Variants in MSH4 observed in about 807,000 individuals in gnomAD.
MSH4 encodes mutS homolog 4.
MSH4 carries 106 observed loss-of-function variants against 113.7 expected under a neutral mutation model. The observed-to-expected ratio is 0.93, with a 90% CI of 0.80 to 1.10. The LOEUF (loss-of-function observed/expected upper bound fraction) is 1.10, where lower values mean the gene tolerates loss of function less well. Ranked by LOEUF, MSH4 falls within the 50% of genes least tolerant of loss-of-function variation. MSH4 has a pLI of 0.00. For missense variants in MSH4, 1,061 were observed against 1,093.7 expected (o/e 0.97, Z 0.42); for synonymous variants, 368 against 380.2 (o/e 0.97, Z 0.37).
rs749857680 is a variant in MSH4 at position 75,890,763 on chromosome 1, CT to C, written c.2295del (p.Asn766IlefsTer17). ...LILIDELGRG[T>X]NTEEGIGICY... ...TTAATTGATGAACTTGGCAGAGGTA[CT>C]AATACGGAAGAAGGTATTGGCATTT... is the stretch of plus-strand genomic sequence containing the variant. On this transcript the variant is annotated frameshift_variant, in exon 17 of 20. Transcript: ENST00000263187. LOFTEE classifies it high-confidence loss of function. The C allele has an allele frequency of 6.2e-7, 1 of 1,610,628 alleles. No homozygotes were observed. The highest frequency in any genetic ancestry group is 8.5e-7 in the Non-Finnish European group (1 of 1,178,242).
intron 19 of MSH4, among the ~76,000 whole-genome samples, chr1:75,906,406 T>G (rs1652630954): frequency 9.7e-6 from 1 of 102,646 alleles, no homozygotes; most frequent in Non-Finnish European, 1.9e-5. Context: ...TTTCTGGTAG[T>G]ATGTTTTAAT....
At chr1:75,855,127 T>G (rs1203903610) in intron 8 of MSH4, among the ~76,000 whole-genome samples, 1 of 152,078 alleles carries the variant, frequency 6.6e-6, no homozygotes, top group African/African-American at 2.4e-5. Flanking sequence ...AGCCTTGACC[T>G]CCCTGGCTTG....
intron 19 of MSH4, among the ~76,000 whole-genome samples, chr1:75,900,528 A>G (rs1652484874): frequency 6.6e-6 from 1 of 151,954 alleles, no homozygotes; most frequent in Admixed American, 6.6e-5. Flanking sequence ...GTTGGTCTCG[A>G]ACTCCTGACC....
intron 6 of MSH4, among the ~76,000 whole-genome samples, chr1:75,817,734 A>T (rs1650322775): frequency 1.3e-5 from 2 of 151,966 alleles, no homozygotes; most frequent in African/African-American, 2.4e-5. Context: ...ACATCCATTG[A>T]TTTCTATAAC....
intron 7 of MSH4, among the ~76,000 whole-genome samples, chr1:75,838,695 C>T (rs1301252530): frequency 6.6e-6 from 1 of 152,166 alleles, no homozygotes; most frequent in East Asian, 1.9e-4. Flanking sequence ...AAATGAACTT[C>T]TTTAAGTTAC....
At chr1:75,884,295 T>C (rs1245173481) in intron 15 of MSH4, among the ~76,000 whole-genome samples, 1 of 152,130 alleles carries the variant, frequency 6.6e-6, no homozygotes, top group Non-Finnish European at 1.5e-5. Flanking sequence ...GCAGTTGATA[T>C]ATTATACATA....
chr1:75,824,908 T>TTTTTTG (rs1219105924), intron 7 of MSH4, among the ~76,000 whole-genome samples: 2 of 151,338 alleles, frequency 1.3e-5, no homozygotes, highest in Non-Finnish European at 2.9e-5. Context: ...AGCTTTGTTT[T>TTTTTTG]TTTTTTTTTT....
At chr1:75,882,539 T>C (rs997962441) in intron 14 of MSH4, among the ~76,000 whole-genome samples, 32 of 152,026 alleles carry the variant, frequency 2.1e-4, no homozygotes, top group African/African-American at 7.2e-4. Context: ...TTTCCTTTTA[T>C]ACAAAATTTC....
At chr1:75,907,697 T>C (rs377631635) in intron 19 of MSH4, among the ~76,000 whole-genome samples, 1,982 of 105,954 alleles carry the variant, frequency 0.019, 32 homozygotes, top group Non-Finnish European at 0.028. Flanking sequence ...TACATATATA[T>C]ATATATATAT....
intron 7 of MSH4, among the ~76,000 whole-genome samples, chr1:75,835,930 T>A (rs147002876): frequency 8.6e-4 from 131 of 152,248 alleles, no homozygotes; most frequent in African/African-American, 3.0e-3. Flanking sequence ...TTGGATCCCT[T>A]TTACCTTTCG....
At chr1:75,849,462 A>T (rs1181347962) in intron 8 of MSH4, among the ~76,000 whole-genome samples, 1 of 152,340 alleles carries the variant, frequency 6.6e-6, no homozygotes, top group East Asian at 1.9e-4. Context: ...TTACAATTTG[A>T]TGACATTTGT....
At chr1:75,884,472 G>T (rs578151949) in intron 15 of MSH4, among the ~76,000 whole-genome samples, 6 of 152,092 alleles carry the variant, frequency 3.9e-5, no homozygotes, top group South Asian at 2.1e-4. Flanking sequence ...TCTTAAGCAG[G>T]GTTGGTTTTG....
intron 9 of MSH4, among the ~76,000 whole-genome samples, chr1:75,869,610 A>C (rs1244893510): frequency 2.0e-5 from 3 of 152,174 alleles, no homozygotes; most frequent in African/African-American, 7.2e-5. Context: ...CTATGGCTAA[A>C]AGTGGCCAAC....
At chr1:75,904,433 C>A (rs997077064) in intron 19 of MSH4, among the ~76,000 whole-genome samples, 10 of 152,112 alleles carry the variant, frequency 6.6e-5, no homozygotes, top group African/African-American at 2.2e-4. Context: ...TTTGATTAGA[C>A]TTGCTATTCA....
intron 8 of MSH4, among the ~76,000 whole-genome samples, chr1:75,866,379 G>T (rs944936958): frequency 2.6e-5 from 4 of 152,008 alleles, no homozygotes; most frequent in Admixed American, 2.6e-4. Context: ...GCCCAGGCTG[G>T]TCTCAAACTC....
intron 8 of MSH4, among the ~76,000 whole-genome samples, chr1:75,862,142 G>A (rs1570973749): frequency 6.6e-6 from 1 of 152,142 alleles, no homozygotes; most frequent in East Asian, 1.9e-4. Context: ...AAGACCGTGG[G>A]AAAAGTGCAG....
chr1:75,870,784 G>A (rs1651697284), intron 9 of MSH4, among the ~76,000 whole-genome samples: 1 of 152,048 alleles, frequency 6.6e-6, no homozygotes, highest in Non-Finnish European at 1.5e-5. Flanking sequence ...GCATGAGAAA[G>A]GACTAATACA....
At chr1:75,864,245 C>G (rs539838741) in intron 8 of MSH4, among the ~76,000 whole-genome samples, 95 of 152,232 alleles carry the variant, frequency 6.2e-4, no homozygotes, top group Non-Finnish European at 1.1e-3. Context: ...TATTAATATG[C>G]CATTATTTAT....
chr1:75,807,134 A>T lies in MSH4; in HGVS notation c.581A>T (p.Tyr194Phe). The change falls in exon 3 of 20, where the codon TAT becomes TTT. Residue 194 changes from tyrosine (Y) to phenylalanine (F), a missense_variant. By Grantham distance (22) the Tyr-to-Phe change is conservative (BLOSUM62 3). Transcript: ENST00000263187. Reference sequence around the variant, plus strand: ...TCCCAGTTTGCAGACAACACAACATATGCAAAGGTAAGTATTAATAATTCT... The same window carrying T: ...TCCCAGTTTGCAGACAACACAACATTTGCAAAGGTAAGTATTAATAATTCT... ...ILSQFADNTT[Y>F]AKVITKLKIL... 1 of 1,556,238 alleles carries T rather than the reference A, an allele frequency of 6.4e-7. No individual in the cohort carries two copies. The highest frequency in any genetic ancestry group is 8.6e-7 in the Non-Finnish European group (1 of 1,161,128).
Sources: allele counts gnomAD v4.1 joint callset (sites outside exome capture counted in the v4.1 genomes callset), GRCh38; gene constraint gnomAD v4.1.1; transcripts MANE v1.5; gene names NCBI Gene and HGNC (gene_info 2026-07-23, HGNC 2026-07-21).